CRB1: variants seen among roughly 807,000 people sequenced by gnomAD.
The protein encoded by CRB1 is crumbs cell polarity complex component 1, also known as protein crumbs homolog 1.
Under a neutral mutation model 120.0 loss-of-function variants are expected in CRB1, and 83 were observed. The observed-to-expected ratio is 0.69, with a 90% CI of 0.58 to 0.83. The LOEUF (loss-of-function observed/expected upper bound fraction) is 0.83. Among genes scored for constraint, CRB1 ranks in the 40% least tolerant of loss-of-function variants. The pLI is 0.00. For synonymous variants in CRB1, 625 were observed against 612.5 expected, an observed-to-expected ratio of 1.02 and a Z score of -0.30; for missense variants, 1,699 against 1,687.6, an observed-to-expected ratio of 1.01 and a Z score of -0.12.
intron 4 of CRB1, among the ~76,000 whole-genome samples, chr1:197,352,158 A>T (rs1215021631): frequency 6.6e-6 from 1 of 152,250 alleles, no homozygotes; most frequent in Non-Finnish European, 1.5e-5. Flanking sequence ...GATGTGACTC[A>T]GTATCATGTT....
At chr1:197,379,429 A>G (rs1048643148) in intron 5 of CRB1, among the ~76,000 whole-genome samples, 13 of 151,654 alleles carry the variant, frequency 8.6e-5, no homozygotes, top group African/African-American at 3.2e-4. Flanking sequence ...CCTCCCGAGT[A>G]GCTGGGACTA....
In CRB1 at chr1:197,356,888, A is replaced by T. The variant is rs148551147; in HGVS notation, c.1046A>T (p.Gln349Leu). 35 of 1,614,118 alleles carry T rather than the reference A, an allele frequency of 2.2e-5. No homozygotes were observed. The highest frequency in any genetic ancestry group is 4.2e-6 in the Non-Finnish European group (5 of 1,180,042). ...DLNECNSNPC[Q>L]SNGECVELSS... ...AATGAATGCAATAGTAACCCCTGCC[A>T]GTCCAATGGGGAATGTGTGGAGCTG... Residue 349 changes from glutamine to leucine, a missense_variant, in exon 5 of 12, where the codon CAG (glutamine) becomes CTG (leucine). Gln to Leu is a moderately radical substitution (Grantham distance 113). Transcript: ENST00000367400.
intron 5 of CRB1, among the ~76,000 whole-genome samples, chr1:197,416,741 G>A (rs2181373): frequency 0.069 from 10,471 of 151,604 alleles, 1,261 homozygotes; most frequent in African/African-American, 0.24. Flanking sequence ...ACAGAGTCTC[G>A]CTCTGTTGCC....
Position 197,478,099 on chromosome 1 carries a change from A to G in CRB1, c.*220A>G, listed in dbSNP as rs1667281322. The G allele has an allele frequency of 1.7e-6, 1 of 573,500 alleles. No individual in the cohort carries two copies. Among genetic ancestry groups the G allele is most frequent in the Admixed American group, 2.9e-5 (1 of 34,094 alleles). The allele number at this position is 573,500 out of a possible 1,614,324, so 35.5% of individuals were successfully genotyped here. A position where few individuals can be genotyped will look rare whatever the true frequency, so the allele number is the denominator to read the frequency against. On this transcript the variant is annotated 3_prime_UTR_variant, in exon 12 of 12. Transcript: ENST00000367400. ...GCCAATTGCAAAAAAAGTCTGTGCC[A>G]GTAATTTCAGCCTTATAATTAGCAA...
chr1:197,427,335 G>A (rs1664633315), intron 6 of CRB1, 119 bp from the exon 7 acceptor site: 4 of 769,560 alleles, frequency 5.2e-6, no homozygotes, highest in Non-Finnish European at 9.0e-6. Flanking sequence ...GTATGAGTGT[G>A]TATGCTTGTG....
At chr1:197,458,106 G>A (rs1029311872) in intron 11 of CRB1, among the ~76,000 whole-genome samples, 3 of 152,074 alleles carry the variant, frequency 2.0e-5, no homozygotes, top group Non-Finnish European at 2.9e-5. Context: ...AGACAAAAGG[G>A]AAGAAAGGAA....
chr1:197,435,439 T>C lies in CRB1; in HGVS notation c.3576T>C (p.Ser1192=), dbSNP rs1324823250. 1 of 1,595,468 alleles carries C rather than the reference T, an allele frequency of 6.3e-7. No homozygotes were observed. The highest frequency in any genetic ancestry group is 1.7e-5 in the Admixed American group (1 of 58,680). The stretch of plus-strand genomic sequence containing the variant: ...ACCCCTGTATCCATGGCAACTGCTC[T>C]GACAGAGTTGCAGCCTACCACTGCA... ...FSNPCIHGNC[S]DRVAAYHCTC... The change falls in exon 9 of 12, where the codon TCT becomes TCC. Residue 1192 remains serine, a synonymous_variant. Transcript: ENST00000367400.
intron 3 of CRB1, among the ~76,000 whole-genome samples, chr1:197,346,631 T>C (rs1163248000): frequency 6.6e-6 from 1 of 152,192 alleles, no homozygotes; most frequent in Non-Finnish European, 1.5e-5. Flanking sequence ...TGCAGGTACA[T>C]TTTTTACAAT....
chr1:197,230,441 C>A, the CRB1 span, among the ~76,000 whole-genome samples: 3 of 151,886 alleles, frequency 2.0e-5, no homozygotes, highest in African/African-American at 7.3e-5. Flanking sequence ...TTAGTAGTTA[C>A]CTCAAATTCT....
chr1:197,245,068 T>A, the CRB1 span, among the ~76,000 whole-genome samples: 1 of 149,890 alleles, frequency 6.7e-6, no homozygotes, highest in Admixed American at 6.6e-5. Flanking sequence ...TTTCTATTTC[T>A]TTTTTTTTGT....
chr1:197,247,057 T>A, the CRB1 span, among the ~76,000 whole-genome samples: 1 of 152,046 alleles, frequency 6.6e-6, no homozygotes, highest in African/African-American at 2.4e-5. Flanking sequence ...CTCATACTGT[T>A]AAAAAGGTAT....
the CRB1 span, among the ~76,000 whole-genome samples, chr1:197,207,589 T>C: frequency 2.0e-4 from 30 of 152,294 alleles, no homozygotes; most frequent in Non-Finnish European, 3.7e-4. Context: ...AAATCTGCTG[T>C]TATTCTGATA....
the CRB1 span, among the ~76,000 whole-genome samples, chr1:197,202,052 C>A: frequency 0.08 from 12,198 of 152,022 alleles, 1,647 homozygotes; most frequent in African/African-American, 0.28. Context: ...TATTATGAAG[C>A]GCAAGGTCCT....
intron 5 of CRB1, among the ~76,000 whole-genome samples, chr1:197,408,980 C>T (rs940036976): frequency 6.6e-6 from 1 of 152,152 alleles, no homozygotes; most frequent in African/African-American, 2.4e-5. Context: ...AACTGAAATG[C>T]AAGGCTTTTT....
chr1:197,356,680 C>T lies in CRB1; in HGVS notation c.989-151C>T, dbSNP rs574917943. 2.2e-5 allele frequency: 17 copies of T among 757,754 alleles called. No homozygotes were observed. The African/African-American group carries it at 2.6e-4, about 11-fold the overall frequency. The allele number at this position is 757,754 out of a possible 1,614,324, so 46.9% of individuals were successfully genotyped here. A position where few individuals can be genotyped will look rare whatever the true frequency, so the allele number is the denominator to read the frequency against. ...ACTAGTACTTGTTTCCACTAAGCCT[C>T]CTCTTACCAGATTCCCCTTACCAGC... On this transcript the variant is annotated intron_variant, in intron 4 of 11. Coordinates refer to ENST00000367400, the MANE Select transcript of CRB1 (RefSeq NM_201253.3).
chr1:197,233,308 G>T, the CRB1 span, among the ~76,000 whole-genome samples: 1 of 152,168 alleles, frequency 6.6e-6, no homozygotes, highest in East Asian at 1.9e-4. Context: ...TCAAGTAGTT[G>T]CCCTAATTGC....
At chr1:197,224,017 C>T in the CRB1 span, among the ~76,000 whole-genome samples, 2 of 152,104 alleles carry the variant, frequency 1.3e-5, no homozygotes, top group East Asian at 3.8e-4. Context: ...CCAACTTCAT[C>T]CTGTAGAATA....
intron 1 of CRB1, among the ~76,000 whole-genome samples, chr1:197,317,626 T>C (rs1363300846): frequency 2.0e-5 from 3 of 151,982 alleles, no homozygotes; most frequent in Non-Finnish European, 4.4e-5. Context: ...CAAAACAGCA[T>C]GGTAAATGGA....
chr1:197,394,576 A>G (rs993488), intron 5 of CRB1, among the ~76,000 whole-genome samples: 3,127 of 152,170 alleles, frequency 0.021, 113 homozygotes, highest in African/African-American at 0.071. Flanking sequence ...ATAATTATGT[A>G]TTAATTTATA....
Sources: gnomAD v4.1 joint callset for allele counts (sites outside exome capture counted in the v4.1 genomes callset) on GRCh38, gnomAD v4.1.1 for gene constraint, MANE v1.5 for transcripts, NCBI Gene and HGNC (gene_info 2026-07-23, HGNC 2026-07-21) for gene names.